The following NEDD9 variants were observed in gnomAD, a reference collection of about 807,000 sequenced individuals.
The protein encoded by NEDD9 is enhancer of filamentation 1.
In NEDD9, 26 loss-of-function variants were observed where a neutral mutation model predicts 76.6. The observed-to-expected ratio is 0.34, with a 90% CI of 0.25 to 0.47. The LOEUF (loss-of-function observed/expected upper bound fraction) is 0.47. Ranked by LOEUF, NEDD9 falls within the 20% of genes least tolerant of loss-of-function variation. The pLI is 1.00. For missense variants in NEDD9, 937 were observed against 1,058.5 expected (o/e 0.89, Z 1.59); for synonymous variants, 392 against 414.2 (o/e 0.95, Z 0.65).
chr6:11,269,240 G>T (rs1047411598), intron 3 of NEDD9, among the ~76,000 whole-genome samples: 1 of 152,214 alleles, frequency 6.6e-6, no homozygotes, highest in Non-Finnish European at 1.5e-5. Flanking sequence ...ATAAATTTCT[G>T]ACTTTCTCTG....
intron 1 of NEDD9, among the ~76,000 whole-genome samples, chr6:11,231,301 T>C (rs964359296): frequency 2.6e-5 from 4 of 152,254 alleles, no homozygotes; most frequent in Non-Finnish European, 5.9e-5. Flanking sequence ...AGTGGTAACG[T>C]AGGCATTACT....
intron 1 of NEDD9, among the ~76,000 whole-genome samples, chr6:11,375,792 T>C (rs1762959908): frequency 6.6e-6 from 1 of 152,204 alleles, no homozygotes; most frequent in South Asian, 2.1e-4. Context: ...CTGTATACCC[T>C]GCAGAACCAT....
At chr6:11,355,093 G>A (rs1443538097) in intron 1 of NEDD9, among the ~76,000 whole-genome samples, 4 of 152,340 alleles carry the variant, frequency 2.6e-5, no homozygotes, top group Admixed American at 6.5e-5. Context: ...CACAGTAGGT[G>A]CCATAGCAAA....
intron 2 of NEDD9, among the ~76,000 whole-genome samples, chr6:11,331,637 G>A (rs1159826486): frequency 1.3e-5 from 2 of 152,048 alleles, no homozygotes; most frequent in Non-Finnish European, 2.9e-5. Context: ...AGCATAGGAG[G>A]TGCTCCATCT....
chr6:11,214,680 T>C (rs139958512), intron 1 of NEDD9, among the ~76,000 whole-genome samples: 112 of 152,330 alleles, frequency 7.4e-4, no homozygotes, highest in African/African-American at 2.5e-3. Flanking sequence ...AGATTTCATT[T>C]CTTGGCATTA....
intron 3 of NEDD9, among the ~76,000 whole-genome samples, chr6:11,273,732 G>A (rs190949999): frequency 8.5e-5 from 13 of 152,310 alleles, no homozygotes; most frequent in African/African-American, 2.9e-4. Context: ...TGACATGTAG[G>A]GCAACCGTGA....
At chr6:11,274,004 T>C (rs1337215769) in intron 3 of NEDD9, among the ~76,000 whole-genome samples, 1 of 152,234 alleles carries the variant, frequency 6.6e-6, no homozygotes, top group East Asian at 1.9e-4. Flanking sequence ...AGCCAAAGGC[T>C]GCAATGAACA....
rs144918758 is a variant in NEDD9 at position 11,353,186 on chromosome 6, C to T, written c.-213-18625G>A. 2.0e-3 allele frequency among the ~76,000 whole-genome samples: 298 copies of T among 152,326 alleles called. 2 individuals are homozygous for T. The highest frequency in any genetic ancestry group is 6.8e-3 in the African/African-American group (284 of 41,574). On this transcript the variant is annotated intron_variant, in intron 1 of 3. Transcript: ENST00000397378. ...CTGTCCCTGTTTTTCTCTTTCCTGG[C>T]TGCTAGGGGTTGAATTGTGTCTTCC...
intron 3 of NEDD9, among the ~76,000 whole-genome samples, chr6:11,289,879 A>G (rs897132395): frequency 5.3e-5 from 8 of 152,222 alleles, no homozygotes; most frequent in Admixed American, 3.9e-4. Context: ...AATAAGAGAA[A>G]CAATATGCAG....
rs906148885 is a variant in NEDD9, at chr6:11,305,800, G to A, written c.12+192C>T. On this transcript the variant is annotated intron_variant, in intron 3 of 3. Coordinates refer to the NEDD9 transcript ENST00000397378. ...GGAATAGGATGCCCTGTGGGCATCA[G>A]TGCATCCATGTAAAAAATTCACCTA... The A allele has an allele frequency of 3.1e-6, 2 of 643,164 alleles. 1 individual carries two copies. The highest frequency in any genetic ancestry group is 5.5e-5 in the East Asian group (2 of 36,110). 39.8% of individuals were successfully genotyped at this position (643,164 alleles called of 1,614,324 possible).
chr6:11,303,520 A>G (rs1761106497), intron 3 of NEDD9, among the ~76,000 whole-genome samples: 1 of 141,882 alleles, frequency 7.0e-6, no homozygotes. Flanking sequence ...ACTACTTAAA[A>G]GAACAAAGCT....
At chr6:11,233,247 G>A (rs751104157), upstream of NEDD9, 3 of 518,778 alleles carry the variant, frequency 5.8e-6, no homozygotes, top group Non-Finnish European at 1.2e-5. Context: ...AAAGTACTTT[G>A]CGATGTCAGT....
rs964243492 is a variant in NEDD9, at chr6:11,213,883, C to G, written c.13-156G>C. 1.3e-5 allele frequency among the ~76,000 whole-genome samples: 2 copies of G among 152,156 alleles called. No homozygotes were observed. The highest frequency in any genetic ancestry group is 4.1e-4 in the South Asian group (2 of 4,832). On this transcript the variant is annotated intron_variant, in intron 1 of 6. Coordinates refer to ENST00000379446, the MANE Select transcript of NEDD9 (RefSeq NM_006403.4). This position sits in a 1 kb window ranked among gnomAD's most constrained non-coding sequence, Gnocchi z 5.4. ...TAAGGAGAAAAACAGATGGTGCAGA[C>G]AAAAGACAGATACATATACACTGCA... is the stretch of plus-strand genomic sequence containing the variant.
chr6:11,191,103 T>G lies in NEDD9; in HGVS notation c.766A>C (p.Arg256=). The G allele has an allele frequency of 2.5e-6, 4 of 1,614,024 alleles. No individual in the cohort carries two copies. The highest frequency in any genetic ancestry group is 3.4e-6 in the Non-Finnish European group (4 of 1,180,010). The change falls in exon 5 of 7, where the codon AGA becomes CGA. Residue 256 remains arginine (R), a synonymous_variant. Coordinates refer to ENST00000379446, the MANE Select transcript of NEDD9 (RefSeq NM_006403.4). The part of the protein sequence containing the change: ...PMRQAGRPDL[R]PEGVYDIPPT... ...GGAATGTCATAAACCCCCTCCGGTC[T>G]GAGGTCCGGCCTTCCAGCTTGTCTC...
At chr6:11,265,182 T>C (rs926629412) in intron 3 of NEDD9, among the ~76,000 whole-genome samples, 2 of 152,366 alleles carry the variant, frequency 1.3e-5, no homozygotes, top group East Asian at 3.8e-4. Context: ...CCTCTCATTA[T>C]TCTAAATGTC....
chr6:11,311,071 C>T (rs1047598440), intron 2 of NEDD9, among the ~76,000 whole-genome samples: 1 of 152,170 alleles, frequency 6.6e-6, no homozygotes, highest in African/African-American at 2.4e-5. Flanking sequence ...TCCCAGCAGT[C>T]ACCCCTTTCC....
intron 1 of NEDD9, among the ~76,000 whole-genome samples, chr6:11,365,688 G>C (rs1762749933): frequency 6.6e-6 from 1 of 152,152 alleles, no homozygotes; most frequent in South Asian, 2.1e-4. Flanking sequence ...CCAAGAAAAA[G>C]AAGAAAGAAA....
At chr6:11,367,538 T>A (rs1762789840) in intron 1 of NEDD9, among the ~76,000 whole-genome samples, 1 of 152,232 alleles carries the variant, frequency 6.6e-6, no homozygotes, top group African/African-American at 2.4e-5. Flanking sequence ...ACTGCATCTA[T>A]CAGAGTCAGA....
chr6:11,375,400 G>A (rs969297300), intron 1 of NEDD9, among the ~76,000 whole-genome samples: 2 of 152,180 alleles, frequency 1.3e-5, no homozygotes, highest in African/African-American at 2.4e-5. Context: ...AGACCTAGGA[G>A]GCCAATCAAA....
Sources: gnomAD v4.1 joint callset for allele counts (sites outside exome capture counted in the v4.1 genomes callset) on GRCh38, gnomAD v4.1.1 for gene constraint, Gnocchi (gnomAD v3.1) non-coding constraint, MANE v1.5 for transcripts, NCBI Gene and HGNC (gene_info 2026-07-23, HGNC 2026-07-21) for gene names.